NRG1: variants seen among roughly 807,000 people sequenced by gnomAD.
The protein encoded by NRG1 is pro-neuregulin-1, membrane-bound isoform.
NRG1 carries 18 observed loss-of-function variants against 63.8 expected under a neutral mutation model. The ratio of observed to expected loss-of-function variants is 0.28; its 90% CI spans 0.19 to 0.42. NRG1 has a LOEUF of 0.42. NRG1 is among the 10% of genes least tolerant of loss of function. The pLI, the probability that NRG1 is intolerant of heterozygous loss-of-function variation, is 1.00. For missense variants in NRG1, 762 were observed against 814.7 expected (o/e 0.94, Z 0.79); for synonymous variants, 302 against 301.3 (o/e 1.00, Z -0.02).
intron 1 of NRG1, among the ~76,000 whole-genome samples, chr8:32,041,490 C>T (rs919168511): frequency 6.6e-6 from 1 of 152,154 alleles, no homozygotes; most frequent in Non-Finnish European, 1.5e-5. Flanking sequence ...CAAAACCAGG[C>T]GTGAGTTTAC....
chr8:32,425,236 A>G (rs1277989470), intron 1 of NRG1, among the ~76,000 whole-genome samples: 2 of 152,236 alleles, frequency 1.3e-5, no homozygotes, highest in African/African-American at 2.4e-5. Flanking sequence ...TCCGTTGCCA[A>G]TATCCATAGA....
chr8:31,940,056 C>A (rs327348), intron 1 of NRG1, among the ~76,000 whole-genome samples: 7,425 of 152,036 alleles, frequency 0.049, 593 homozygotes, highest in African/African-American at 0.17. Flanking sequence ...ATGAACTTAA[C>A]AGATATTTAT....
chr8:31,763,580 C>G (rs1586229677), intron 1 of NRG1, among the ~76,000 whole-genome samples: 2 of 152,118 alleles, frequency 1.3e-5, no homozygotes, highest in South Asian at 4.1e-4. Flanking sequence ...TCTATTAACT[C>G]AAATACTAAA....
At chr8:31,920,349 T>C (rs1833797674) in intron 1 of NRG1, among the ~76,000 whole-genome samples, 1 of 152,198 alleles carries the variant, frequency 6.6e-6, no homozygotes, top group Admixed American at 6.6e-5. Context: ...AAAAACTCTT[T>C]TTGGCTCAAA....
intron 6 of NRG1, among the ~76,000 whole-genome samples, chr8:32,731,421 T>C (rs971428676): frequency 6.7e-6 from 1 of 150,240 alleles, no homozygotes; most frequent in African/African-American, 2.5e-5. Flanking sequence ...TTTTTTTTTG[T>C]AATTAGGATC....
chr8:31,974,916 T>G (rs1300708581), intron 1 of NRG1, among the ~76,000 whole-genome samples: 2 of 152,158 alleles, frequency 1.3e-5, no homozygotes, highest in Non-Finnish European at 2.9e-5. Context: ...AGGGAACACC[T>G]CAGCTCAGTC....
At chr8:31,776,443 A>G (rs192450940) in intron 1 of NRG1, among the ~76,000 whole-genome samples, 2 of 152,190 alleles carry the variant, frequency 1.3e-5, no homozygotes, top group African/African-American at 4.8e-5. Flanking sequence ...AACTTGAGCA[A>G]GTATTAGAAT....
chr8:32,721,773 A>T, intron 5 of NRG1: 1 of 1,202,568 alleles, frequency 8.3e-7, no homozygotes. Context: ...TCCTTTGGAA[A>T]ACTAATGACT....
intron 1 of NRG1, among the ~76,000 whole-genome samples, chr8:32,294,965 A>T (rs969505719): frequency 6.6e-6 from 1 of 152,144 alleles, no homozygotes; most frequent in Admixed American, 6.5e-5. Flanking sequence ...ACACCTACTT[A>T]TAAAAACTCT....
intron 1 of NRG1, among the ~76,000 whole-genome samples, chr8:32,227,404 A>T (rs577547961): frequency 2.0e-5 from 3 of 152,332 alleles, no homozygotes; most frequent in Admixed American, 6.5e-5. Context: ...TAAGATTTTT[A>T]AAAATTACAC....
chr8:31,946,860 T>C (rs1802624638), intron 1 of NRG1, among the ~76,000 whole-genome samples: 1 of 152,192 alleles, frequency 6.6e-6, no homozygotes, highest in African/African-American at 2.4e-5. Flanking sequence ...GAGGATAAGA[T>C]ACCTATAAAA....
chr8:32,320,853 A>G (rs577240049), intron 1 of NRG1, among the ~76,000 whole-genome samples: 2 of 152,174 alleles, frequency 1.3e-5, no homozygotes, highest in Non-Finnish European at 2.9e-5. Flanking sequence ...TTTCTTGAGT[A>G]ATCTGGTTAA....
At chr8:32,026,093 G>T (rs1402396119) in intron 1 of NRG1, 4 of 145,618 alleles carry the variant, frequency 2.7e-5, no homozygotes, top group African/African-American at 1.0e-4. Flanking sequence ...TTTTGAGACG[G>T]AGTCTCGCTC....
chr8:32,673,625 T>C (rs1806282074), intron 5 of NRG1, among the ~76,000 whole-genome samples: 1 of 152,182 alleles, frequency 6.6e-6, no homozygotes, highest in South Asian at 2.1e-4. Flanking sequence ...CTAAGTCTTG[T>C]AGTTTCTTCC....
intron 5 of NRG1, among the ~76,000 whole-genome samples, chr8:32,678,936 C>T (rs75438610): frequency 0.07 from 10,561 of 151,914 alleles, 458 homozygotes; most frequent in Admixed American, 0.092. Context: ...TTGGCCATTA[C>T]ATACTGGCAA....
At chr8:32,092,996 G>A (rs1378816452) in intron 1 of NRG1, among the ~76,000 whole-genome samples, 1 of 152,218 alleles carries the variant, frequency 6.6e-6, no homozygotes, top group African/African-American at 2.4e-5. Context: ...CATCAGGGCT[G>A]AGGACAGGAA....
chr8:32,425,265 G>T (rs1303110294), intron 1 of NRG1, among the ~76,000 whole-genome samples: 1 of 152,212 alleles, frequency 6.6e-6, no homozygotes, highest in Non-Finnish European at 1.5e-5. Context: ...CTTCAGGCAG[G>T]AGAAGTTGGG....
At chr8:32,139,866 T>C (rs1356875224) in intron 1 of NRG1, among the ~76,000 whole-genome samples, 2 of 152,186 alleles carry the variant, frequency 1.3e-5, no homozygotes, top group African/African-American at 4.8e-5. Flanking sequence ...GTAGCTGACT[T>C]TGGGGATACA....
chr8:31,742,454 A>ATTTTTT (rs1563349398), intron 1 of NRG1, among the ~76,000 whole-genome samples: 70 of 43,258 alleles, frequency 1.6e-3, no homozygotes, highest in African/African-American at 5.3e-3. Flanking sequence ...CTTTTTTAAG[A>ATTTTTT]ATTTTTTTTT....
Sources: gnomAD v4.1 joint callset for allele counts (sites outside exome capture counted in the v4.1 genomes callset) on GRCh38, gnomAD v4.1.1 for gene constraint, MANE v1.5 for transcripts, NCBI Gene and HGNC (gene_info 2026-07-23, HGNC 2026-07-21) for gene names.